The following NRXN1 variants were observed in gnomAD, a reference collection of about 807,000 sequenced individuals.
NRXN1 encodes the protein neurexin 1.
A neutral mutation model predicts 150.9 loss-of-function variants in NRXN1; 39 were observed. That is an observed-to-expected ratio of 0.26 (90% CI 0.20 to 0.34). The LOEUF is 0.34. NRXN1 is among the 10% of genes least tolerant of loss of function. The probability of loss-of-function intolerance (pLI) is 1.00; values close to 1 mark genes in which losing one functional copy is unlikely to be tolerated. For missense variants in NRXN1, 1,815 were observed against 1,949.9 expected (o/e 0.93, Z 1.30); for synonymous variants, 924 against 757.0 (o/e 1.22, Z -3.62).
chr2:50,888,248 T>C (rs1410645321), intron 5 of NRXN1, among the ~76,000 whole-genome samples: 1 of 151,484 alleles, frequency 6.6e-6, no homozygotes, highest in Non-Finnish European at 1.5e-5. Context: ...CTTTGGAAAT[T>C]ATAAAAGAGA....
chr2:50,726,156 G>A (rs183245189), intron 5 of NRXN1, among the ~76,000 whole-genome samples: 17 of 152,216 alleles, frequency 1.1e-4, no homozygotes, highest in Admixed American at 6.5e-4. Context: ...TATACCTAGC[G>A]AGGACCTGTT....
At chr2:50,937,516 G>C (rs944796286) in intron 2 of NRXN1, among the ~76,000 whole-genome samples, 1 of 152,086 alleles carries the variant, frequency 6.6e-6, no homozygotes, top group Non-Finnish European at 1.5e-5. Flanking sequence ...CAATCAACTG[G>C]ACATGTCATT....
chr2:49,983,372 A>T (rs563012883), intron 21 of NRXN1, among the ~76,000 whole-genome samples: 1 of 152,256 alleles, frequency 6.6e-6, no homozygotes. Flanking sequence ...CTCAAGTCAA[A>T]ATCTGTGGCT....
At chr2:50,005,348 T>C (rs1166728893) in intron 21 of NRXN1, among the ~76,000 whole-genome samples, 3 of 152,172 alleles carry the variant, frequency 2.0e-5, no homozygotes, top group Admixed American at 2.0e-4. Context: ...TTTCTGCAAA[T>C]GTTAAAAATT....
chr2:50,276,680 C>G (rs1315231684), intron 17 of NRXN1, among the ~76,000 whole-genome samples: 1 of 152,126 alleles, frequency 6.6e-6, no homozygotes, highest in African/African-American at 2.4e-5. Flanking sequence ...CTTTGCTTCC[C>G]TAGCGAAAAC....
chr2:50,067,013 A>T (rs920198292), intron 19 of NRXN1, among the ~76,000 whole-genome samples: 1 of 152,218 alleles, frequency 6.6e-6, no homozygotes, highest in African/African-American at 2.4e-5. Flanking sequence ...AGCTAGAAAG[A>T]GCACGCACAG....
intron 22 of NRXN1, among the ~76,000 whole-genome samples, chr2:49,934,089 T>C (rs934763351): frequency 2.6e-5 from 4 of 152,188 alleles, no homozygotes; most frequent in African/African-American, 7.2e-5. Flanking sequence ...TTGGAGTGAA[T>C]TACATTTCTC....
In NRXN1 at chr2:50,237,962, C is replaced by T. The variant is rs146108138; in HGVS notation, c.3365-992G>A. ...TTTTATAAGTGTTTGACATTTCCTC[C>T]TACACACACTTCTGTCTCTCCTGCT... is the stretch of plus-strand genomic sequence containing the variant. On this transcript the variant is annotated intron_variant, in intron 17 of 22. Coordinates refer to ENST00000401669, the MANE Select transcript of NRXN1 (RefSeq NM_001330078.2). Among the ~76,000 whole-genome samples the T allele has an allele frequency of 1.1e-4, 17 of 152,024 alleles. 1 individual carries two copies. The highest frequency in any genetic ancestry group is 3.9e-4 in the African/African-American group (16 of 41,518).
intron 16 of NRXN1, chr2:50,466,439 A>C (rs746604481): frequency 4.2e-6 from 2 of 473,152 alleles, no homozygotes; most frequent in Non-Finnish European, 8.8e-6. Flanking sequence ...CAGTCTTGTT[A>C]TATACACACA....
At chr2:49,939,683 A>T (rs948234400) in intron 22 of NRXN1, among the ~76,000 whole-genome samples, 1 of 152,204 alleles carries the variant, frequency 6.6e-6, no homozygotes, top group Non-Finnish European at 1.5e-5. Flanking sequence ...ATTATGTAAA[A>T]GGGAAAATAG....
At chr2:49,952,424 A>G (rs1313256026) in intron 21 of NRXN1, among the ~76,000 whole-genome samples, 1 of 152,092 alleles carries the variant, frequency 6.6e-6, no homozygotes, top group Non-Finnish European at 1.5e-5. Flanking sequence ...AGCACAATTA[A>G]TGCTAGAGTT....
At chr2:50,404,038 T>C (rs2082577528) in intron 17 of NRXN1, among the ~76,000 whole-genome samples, 1 of 152,100 alleles carries the variant, frequency 6.6e-6, no homozygotes, top group African/African-American at 2.4e-5. Context: ...AATGAGTGGA[T>C]GGGTATTAGA....
At chr2:50,247,050 A>C (rs2066565937) in intron 17 of NRXN1, among the ~76,000 whole-genome samples, 1 of 152,064 alleles carries the variant, frequency 6.6e-6, no homozygotes, top group South Asian at 2.1e-4. Context: ...CAAGCATAGG[A>C]AAGATTTATT....
intron 18 of NRXN1, among the ~76,000 whole-genome samples, chr2:50,220,158 C>T (rs919619259): frequency 6.7e-6 from 1 of 149,832 alleles, no homozygotes; most frequent in African/African-American, 2.5e-5. Context: ...CTCAGTCAAA[C>T]ACCCTGAGGT....
chr2:50,147,655 A>C (rs2058427241), intron 18 of NRXN1, among the ~76,000 whole-genome samples: 1 of 151,692 alleles, frequency 6.6e-6, no homozygotes, highest in African/African-American at 2.4e-5. Context: ...TATAAACACC[A>C]TTCTAGTGAT....
chr2:50,091,239 T>A (rs1343865272), intron 19 of NRXN1, 84 bp downstream of exon 19: 3 of 1,501,382 alleles, frequency 2.0e-6, no homozygotes, highest in Non-Finnish European at 2.8e-6. Flanking sequence ...AAACCACAAT[T>A]TGGTGAAACG....
chr2:50,416,321 T>C (rs2083537026), intron 17 of NRXN1, among the ~76,000 whole-genome samples: 1 of 151,928 alleles, frequency 6.6e-6, no homozygotes, highest in Non-Finnish European at 1.5e-5. Context: ...AAGTAAAAGG[T>C]TGGGAGAACA....
chr2:50,839,442 C>T (rs1672562147), intron 5 of NRXN1, among the ~76,000 whole-genome samples: 1 of 152,120 alleles, frequency 6.6e-6, no homozygotes, highest in Non-Finnish European at 1.5e-5. Context: ...ATTGTAACCT[C>T]CCCTAAGGTA....
At chr2:50,121,871 A>G (rs993509) in intron 18 of NRXN1, among the ~76,000 whole-genome samples, 11,046 of 152,266 alleles carry the variant, frequency 0.073, 1,342 homozygotes, top group African/African-American at 0.25. Context: ...CTAGAGGTCA[A>G]TAAAGCTATG....
Sources: gnomAD v4.1 joint callset for allele counts (sites outside exome capture counted in the v4.1 genomes callset) on GRCh38, gnomAD v4.1.1 for gene constraint, MANE v1.5 for transcripts, NCBI Gene and HGNC (gene_info 2026-07-23, HGNC 2026-07-21) for gene names.